Variants in TGM6 observed in about 807,000 individuals in gnomAD.
TGM6 encodes the protein transglutaminase 6.
In TGM6, 74 loss-of-function variants were observed where a neutral mutation model predicts 77.5. The observed-to-expected ratio is 0.96, with a 90% CI of 0.79 to 1.16. TGM6 has a LOEUF of 1.16. TGM6 is among the 50% of genes most tolerant of loss of function. The pLI is 0.00. For missense variants in TGM6, 968 were observed against 940.2 expected (o/e 1.03, Z -0.39); for synonymous variants, 383 against 378.9 (o/e 1.01, Z -0.12).
chr20:2,402,528 C>T (rs1324777204), intron 7 of TGM6, among the ~76,000 whole-genome samples: 1 of 152,172 alleles, frequency 6.6e-6, no homozygotes, highest in Non-Finnish European at 1.5e-5. Context: ...GACTCTGTCA[C>T]CACCCAGGTT....
chr20:2,419,199 T>C (rs1298251073), intron 10 of TGM6, among the ~76,000 whole-genome samples: 1 of 152,210 alleles, frequency 6.6e-6, no homozygotes, highest in African/African-American at 2.4e-5. Context: ...GGCTTTTTCA[T>C]CTGTCTCTCT....
rs773079291 is a variant in TGM6 at position 2,394,508 on chromosome 20, A to G, written c.64A>G (p.Thr22Ala). 42 of 1,611,596 alleles carry G rather than the reference A, an allele frequency of 2.6e-5. 1 individual carries two copies. In the South Asian group the frequency reaches 4.5e-4, roughly 17 times the overall value. Reference sequence around the variant, plus strand: ...GTCGAGGAATGGCGCTGCCCACCACACCCAGGAGTACCCCTGCCCTGAGCT... The same window carrying G: ...GTCGAGGAATGGCGCTGCCCACCACGCCCAGGAGTACCCCTGCCCTGAGCT... ...QRSRNGAAHH[T>A]QEYPCPELVV... is the part of the protein sequence containing the mutation. The change falls in exon 2 of 13, where the codon ACC becomes GCC. Residue 22 changes from threonine (T) to alanine (A), a missense_variant. Physicochemically the swap from Thr to Ala is moderately conservative, Grantham distance 58. Coordinates refer to ENST00000202625, the MANE Select transcript of TGM6 (RefSeq NM_198994.3).
At chr20:2,414,976 G>A (rs1461491366) in intron 9 of TGM6, among the ~76,000 whole-genome samples, 1 of 151,706 alleles carries the variant, frequency 6.6e-6, no homozygotes, top group African/African-American at 2.4e-5. Context: ...AGATTGTGGT[G>A]ACGGGGTGCA....
chr20:2,424,568 T>C (rs2084876038), intron 10 of TGM6, among the ~76,000 whole-genome samples: 2 of 152,246 alleles, frequency 1.3e-5, no homozygotes, highest in Non-Finnish European at 2.9e-5. Context: ...TGATCTTATA[T>C]GGAGATCACT....
intron 3 of TGM6, 96 bp downstream of exon 3, chr20:2,395,532 C>T (rs536888316): frequency 1.7e-5 from 28 of 1,603,360 alleles, no homozygotes; most frequent in Middle Eastern, 3.5e-4. Flanking sequence ...GGTTAAAGGA[C>T]AAGAAGCTGA....
intron 9 of TGM6, among the ~76,000 whole-genome samples, chr20:2,412,189 A>G (rs2084788633): frequency 6.6e-6 from 1 of 152,250 alleles, no homozygotes; most frequent in Non-Finnish European, 1.5e-5. Flanking sequence ...TGGAACACAG[A>G]AGAAACTTGA....
chr20:2,388,857 C>T (rs774925671), intron 1 of TGM6, among the ~76,000 whole-genome samples: 1 of 152,158 alleles, frequency 6.6e-6, no homozygotes, highest in Non-Finnish European at 1.5e-5. Context: ...AAGATACAGC[C>T]AAGAGTTGCA....
At chr20:2,381,646 GTGGCTCACGCCTCTAAT>G (rs1473520719) in intron 1 of TGM6, among the ~76,000 whole-genome samples, 1 of 152,246 alleles carries the variant, frequency 6.6e-6, no homozygotes, top group African/African-American at 2.4e-5. Flanking sequence ...GTCGGGCACA[GTGGCTCACGCCTCTAAT>G]CCCAGCATTT....
At chr20:2,424,517 T>C (rs544367780) in intron 10 of TGM6, among the ~76,000 whole-genome samples, 1 of 152,250 alleles carries the variant, frequency 6.6e-6, no homozygotes, top group Non-Finnish European at 1.5e-5. Flanking sequence ...AGGGCCTTGC[T>C]CTGGATTAGG....
At chr20:2,388,151 T>A (rs1182314762) in intron 1 of TGM6, among the ~76,000 whole-genome samples, 1 of 152,168 alleles carries the variant, frequency 6.6e-6, no homozygotes, top group Non-Finnish European at 1.5e-5. Context: ...GAGAGGAGTA[T>A]CAACATCATA....
chr20:2,391,146 G>A (rs1302978298), intron 1 of TGM6, among the ~76,000 whole-genome samples: 3 of 151,498 alleles, frequency 2.0e-5, no homozygotes, highest in East Asian at 1.9e-4. Flanking sequence ...CGGGGGTGGG[G>A]GCACAGGGGA....
At position 2,432,750 on chromosome 20, in the gene TGM6, A is replaced by T. The variant is rs916025396; in HGVS notation, c.*107A>T. ...GGAGGCCTCAGTTAATCCTGCCTCA[A>T]CCTCTGCCCTACTTTGTAAACTTAG... On this transcript the variant is annotated 3_prime_UTR_variant, in exon 13 of 13. Transcript: ENST00000202625. The T allele has an allele frequency of 4.0e-6, 6 of 1,502,516 alleles. No homozygotes were observed. In the African/African-American group the frequency reaches 6.9e-5, roughly 17 times the overall value. The allele number at this position is 1,502,516 out of a possible 1,614,324, so 93.1% of individuals were successfully genotyped here.
intron 5 of TGM6, among the ~76,000 whole-genome samples, chr20:2,398,278 C>A (rs535556320): frequency 6.6e-6 from 1 of 152,138 alleles, no homozygotes; most frequent in African/African-American, 2.4e-5. Context: ...CTCCAAGATG[C>A]TTCTTCTGGG....
rs376893280 is a variant in TGM6, at chr20:2,404,185, C to A, written c.1336+362C>A. The stretch of plus-strand genomic sequence containing the variant: ...GGTATTATTTATTGAACACCTAGGA[C>A]AAACGCATGGCACAGGCCCAATTCA... On this transcript the variant is annotated intron_variant, in intron 9 of 12. Coordinates refer to ENST00000202625, the MANE Select transcript of TGM6 (RefSeq NM_198994.3). Among the ~76,000 whole-genome samples, 22 of 152,298 alleles carry A rather than the reference C, an allele frequency of 1.4e-4. No individual in the cohort carries two copies. In the East Asian group the frequency reaches 4.1e-3, roughly 28 times the overall value.
intron 7 of TGM6, 71 bp downstream of exon 7, chr20:2,400,515 A>G: frequency 6.2e-7 from 1 of 1,606,030 alleles, no homozygotes; most frequent in Non-Finnish European, 8.5e-7. Context: ...CTCATCTTCC[A>G]TAACACCACC....
At chr20:2,398,973 T>C (rs1178454784) in intron 5 of TGM6, among the ~76,000 whole-genome samples, 1 of 152,038 alleles carries the variant, frequency 6.6e-6, no homozygotes, top group Non-Finnish European at 1.5e-5. Flanking sequence ...AGAATTAACA[T>C]GAGTGACAAT....
intron 10 of TGM6, among the ~76,000 whole-genome samples, chr20:2,426,707 T>C (rs1197772713): frequency 1.3e-5 from 2 of 152,212 alleles, no homozygotes; most frequent in Non-Finnish European, 2.9e-5. Context: ...CCTAGTTTGC[T>C]GAGAGCTTTA....
chr20:2,425,570 A>T (rs1212141247), intron 10 of TGM6, among the ~76,000 whole-genome samples: 5 of 152,174 alleles, frequency 3.3e-5, no homozygotes, highest in Non-Finnish European at 7.3e-5. Context: ...GTACCTTTAT[A>T]GTAAATCTTA....
intron 10 of TGM6, among the ~76,000 whole-genome samples, chr20:2,429,662 A>T (rs771482618): frequency 3.9e-5 from 6 of 151,944 alleles, no homozygotes; most frequent in Non-Finnish European, 8.8e-5. Context: ...CCAGCTACTC[A>T]AGAGGCTGAG....
Sources: gnomAD v4.1 joint callset for allele counts (sites outside exome capture counted in the v4.1 genomes callset) on GRCh38, gnomAD v4.1.1 for gene constraint, MANE v1.5 for transcripts, NCBI Gene and HGNC (gene_info 2026-07-23, HGNC 2026-07-21) for gene names.